The following IRX1 variants were observed in gnomAD, a reference collection of about 807,000 sequenced individuals.
IRX1 encodes iroquois homeobox 1.
In IRX1, 22 loss-of-function variants were observed where a neutral mutation model predicts 34.1. The observed-to-expected ratio is 0.64, with a 90% CI of 0.46 to 0.92. The LOEUF is 0.92. Ranked by LOEUF, IRX1 falls within the 40% of genes least tolerant of loss-of-function variation. IRX1 has a pLI of 0.00. For synonymous variants in IRX1, 363 were observed against 319.0 expected, an observed-to-expected ratio of 1.14 and a Z score of -1.47; for missense variants, 758 against 680.0, an observed-to-expected ratio of 1.11 and a Z score of -1.28.
chr5:3,601,077 G>T lies in IRX1; in HGVS notation c.*37G>T, dbSNP rs2111300012. Reference sequence around the variant, plus strand: ...CTTTTACTTTTGCGGGGGGGAGGGGGGAGGAGTTGGGGAGGGAGGGAATGT... The same window carrying T: ...CTTTTACTTTTGCGGGGGGGAGGGGTGAGGAGTTGGGGAGGGAGGGAATGT... On this transcript the variant is annotated 3_prime_UTR_variant, in exon 4 of 4. Coordinates refer to ENST00000302006, the MANE Select transcript of IRX1 (RefSeq NM_024337.4). The T allele has an allele frequency of 6.5e-7, 1 of 1,549,146 alleles. No homozygotes were observed. Among genetic ancestry groups the T allele is most frequent in the Non-Finnish European group, 8.9e-7 (1 of 1,121,980 alleles).
intron 1 of IRX1, among the ~76,000 whole-genome samples, chr5:3,598,136 AG>A (rs1733839935): frequency 6.6e-6 from 1 of 152,212 alleles, no homozygotes; most frequent in Non-Finnish European, 1.5e-5. Context: ...TTCTAGGCCT[AG>A]GTTTCCAAGC....
In IRX1 at chr5:3,601,034, C is replaced by G. The variant is rs757318402; in HGVS notation, c.1437C>G (p.Ser479=). 6.3e-7 allele frequency: 1 copy of G among 1,599,808 alleles called. No individual in the cohort carries two copies. Among genetic ancestry groups the G allele is most frequent in the Admixed American group, 1.7e-5 (1 of 58,944 alleles). ...GTPRILAALP[S]A The stretch of plus-strand genomic sequence containing the variant: ...CGCGGATCCTAGCAGCCCTCCCGTC[C>G]GCCTGATTAAGGGTCTTCTTTTACT... The change falls in exon 4 of 4, where the codon TCC becomes TCG. Residue 479 remains serine (S), a synonymous_variant. Transcript: ENST00000302006.
chr5:3,601,087 G>A lies in IRX1; in HGVS notation c.*47G>A, dbSNP rs1023966189. 2 of 1,470,840 alleles carry A rather than the reference G, an allele frequency of 1.4e-6. No homozygotes were observed. Among genetic ancestry groups the A allele is most frequent in the Admixed American group, 1.7e-5 (1 of 59,636 alleles). 91.1% of individuals were successfully genotyped at this position (1,470,840 alleles called of 1,614,324 possible). ...TGCGGGGGGGAGGGGGGAGGAGTTG[G>A]GGAGGGAGGGAATGTGGGAGGAATT... On this transcript the variant is annotated 3_prime_UTR_variant, in exon 4 of 4. Transcript: ENST00000302006.
chr5:3,600,256 C>T lies in IRX1; in HGVS notation c.1308C>T (p.Leu436=). 1 of 1,586,752 alleles carries T rather than the reference C, an allele frequency of 6.3e-7. No homozygotes were observed. The highest frequency in any genetic ancestry group is 1.1e-5 in the South Asian group (1 of 88,136). ...DKASVRSSPT[L]PERDLVPRPD... is the part of the protein sequence containing the mutation. ...CCTCGGTCCGCAGCAGCCCCACGCTCCCAGGTACAGCTCCAGGCCGCGTCC... is the reference window on the plus strand; with the variant it reads ...CCTCGGTCCGCAGCAGCCCCACGCTTCCAGGTACAGCTCCAGGCCGCGTCC... Residue 436 remains leucine (L), a synonymous_variant, in exon 2 of 4, where the codon CTC becomes CTT. Transcript: ENST00000302006.
At chr5:3,596,758 G>C (rs1188631009) in intron 1 of IRX1, among the ~76,000 whole-genome samples, 1 of 152,170 alleles carries the variant, frequency 6.6e-6, no homozygotes, top group Non-Finnish European at 1.5e-5. Flanking sequence ...AGGTCGGCCC[G>C]GCGTAGCGTA....
chr5:3,599,354 C>T lies in IRX1; in HGVS notation c.406C>T (p.Arg136Cys). 1.2e-6 allele frequency: 2 copies of T among 1,614,112 alleles called. No individual in the cohort carries two copies. The highest frequency in any genetic ancestry group is 8.5e-7 in the Non-Finnish European group (1 of 1,180,026). ...CCCCGGGCGGCCCAAGAACGCCACC[C>T]GCGAGAGCACCAGCACGCTCAAGGC... ...GDPGRPKNATRESTSTLKAWL... is the reference protein window; with the variant it reads ...GDPGRPKNATCESTSTLKAWL... The change falls in exon 2 of 4, where the codon CGC (arginine) becomes TGC (cysteine). Residue 136 changes from arginine (R) to cysteine (C), a missense_variant. Arg to Cys is a radical substitution (Grantham distance 180, BLOSUM62 -3). This residue lies in a region of IRX1 where 195 missense variants were observed against 195.0 expected (regional missense o/e 1.00). Coordinates refer to ENST00000302006, the MANE Select transcript of IRX1 (RefSeq NM_024337.4). This position sits in a 1 kb window ranked among gnomAD's most constrained non-coding sequence, Gnocchi z 6.6.
At chr5:3,597,883 A>G (rs1733827641) in intron 1 of IRX1, among the ~76,000 whole-genome samples, 1 of 152,162 alleles carries the variant, frequency 6.6e-6, no homozygotes, top group Admixed American at 6.5e-5. Flanking sequence ...TATTTTTTAC[A>G]GAAATTGCGA....
chr5:3,599,838 T>C lies in IRX1; in HGVS notation c.890T>C (p.Leu297Pro). The change falls in exon 2 of 4, where the codon CTG (leucine) becomes CCG (proline). Residue 297 changes from leucine to proline, a missense_variant. Leu to Pro is a moderately conservative substitution (Grantham distance 98). Transcript: ENST00000302006. This position sits in a 1 kb window ranked among gnomAD's most constrained non-coding sequence, Gnocchi z 6.6. ...CCAGAGCCGGGCAGCACGCGCCTGC[T>C]GAGCCCCGGCGCTGCAGCGGGCGGC... The part of the protein sequence containing the change: ...EAPEPGSTRL[L>P]SPGAAAGGLQ... 1.9e-6 allele frequency: 3 copies of C among 1,553,210 alleles called. No homozygotes were observed. The highest frequency in any genetic ancestry group is 8.7e-7 in the Non-Finnish European group (1 of 1,151,260).
Position 3,599,422 on chromosome 5 carries a change from C to T in IRX1, c.474C>T (p.Gly158=), listed in dbSNP as rs781421304. The change falls in exon 2 of 4, where the codon GGC becomes GGT. Residue 158 remains glycine, a synonymous_variant. Coordinates refer to ENST00000302006, the MANE Select transcript of IRX1 (RefSeq NM_024337.4). This position sits in a 1 kb window ranked among gnomAD's most constrained non-coding sequence, Gnocchi z 6.6. The stretch of plus-strand genomic sequence containing the variant: ...GCAAGAATCCCTACCCCACCAAGGG[C>T]GAGAAGATCATGCTGGCCATCATCA... ...EHRKNPYPTK[G]EKIMLAIITK... is the part of the protein sequence containing the mutation. 1.2e-6 allele frequency: 2 copies of T among 1,614,082 alleles called. No homozygotes were observed. Among genetic ancestry groups the T allele is most frequent in the Non-Finnish European group, 1.7e-6 (2 of 1,180,044 alleles).
At position 3,599,582 on chromosome 5, in the gene IRX1, G is replaced by C. The variant is rs927429069; in HGVS notation, c.634G>C (p.Gly212Arg). ...AGCGCTCTTCGGCAGCGACACCGAG[G>C]GCGACCCGGAGAAGGCCGAGGACGA... ...DGALFGSDTEGDPEKAEDDEE... is the reference protein window; with the variant it reads ...DGALFGSDTERDPEKAEDDEE... Residue 212 changes from glycine (G) to arginine (R), a missense_variant, in exon 2 of 4, where the codon GGC (glycine) becomes CGC (arginine). Around this residue, in one of 3 missense-constraint regions of IRX1, gnomAD observed 529 missense variants for 418.8 expected, o/e 1.26. Coordinates refer to ENST00000302006, the MANE Select transcript of IRX1 (RefSeq NM_024337.4). The surrounding 1 kb of genome is among the most constrained non-coding windows in gnomAD (Gnocchi z 6.6). The C allele has an allele frequency of 2.5e-6, 4 of 1,614,000 alleles. No individual in the cohort carries two copies. Among genetic ancestry groups the C allele is most frequent in the Non-Finnish European group, 3.4e-6 (4 of 1,180,042 alleles).
intron 1 of IRX1, among the ~76,000 whole-genome samples, chr5:3,596,792 G>A (rs1416009367): frequency 6.6e-6 from 1 of 152,150 alleles, no homozygotes. Context: ...TCCTGGCCGC[G>A]GGTTCCACTC....
Position 3,599,741 on chromosome 5 carries a change from C to A in IRX1, c.793C>A (p.Gln265Lys). The change falls in exon 2 of 4, where the codon CAA becomes AAA. Residue 265 changes from glutamine to lysine, a missense_variant. Coordinates refer to ENST00000302006, the MANE Select transcript of IRX1 (RefSeq NM_024337.4). The surrounding 1 kb of genome is among the most constrained non-coding windows in gnomAD (Gnocchi z 6.6). ...PAAPSALARD[Q>K]GSPLAAADVL... ...AGCCCCTTCTGCTCTTGCCCGGGAC[C>A]AAGGCTCGCCGCTGGCAGCAGCCGA... The A allele has an allele frequency of 6.2e-7, 1 of 1,611,326 alleles. No individual in the cohort carries two copies. Among genetic ancestry groups the A allele is most frequent in the Non-Finnish European group, 8.5e-7 (1 of 1,179,512 alleles).
chr5:3,596,419 C>T, intron 1 of IRX1, 38 bp downstream of exon 1: 1 of 1,449,564 alleles, frequency 6.9e-7, no homozygotes, highest in African/African-American at 1.5e-5. Context: ...TCCTCTGTCT[C>T]ACCCGCGCCA....
At position 3,599,298 on chromosome 5, in the gene IRX1, A is replaced by T; in HGVS notation, c.350A>T (p.Tyr117Phe). ...ATFAAHTAPAYYPYGQFQYGD... is the reference protein window; with the variant it reads ...ATFAAHTAPAFYPYGQFQYGD... ...TTCGCAGCCCACACGGCGCCGGCTT[A>T]TTACCCCTACGGCCAGTTCCAATAC... is the stretch of plus-strand genomic sequence containing the variant. The change falls in exon 2 of 4, where the codon TAT becomes TTT. Residue 117 changes from tyrosine to phenylalanine, a missense_variant. Tyr to Phe is a conservative substitution (Grantham distance 22). Coordinates refer to ENST00000302006, the MANE Select transcript of IRX1 (RefSeq NM_024337.4). The surrounding 1 kb of genome is among the most constrained non-coding windows in gnomAD (Gnocchi z 6.6). 1 of 1,613,974 alleles carries T rather than the reference A, an allele frequency of 6.2e-7. No homozygotes were observed. Among genetic ancestry groups the T allele is most frequent in the Middle Eastern group, 1.6e-4 (1 of 6,062 alleles).
Position 3,599,485 on chromosome 5 carries a change from C to A in IRX1, c.537C>A (p.Ala179=), listed in dbSNP as rs1445602805. 3.7e-6 allele frequency: 6 copies of A among 1,614,166 alleles called. No homozygotes were observed. The highest frequency in any genetic ancestry group is 5.1e-6 in the Non-Finnish European group (6 of 1,180,030). Residue 179 remains alanine (A), a synonymous_variant, in exon 2 of 4, where the codon GCC becomes GCA. Transcript: ENST00000302006. This position sits in a 1 kb window ranked among gnomAD's most constrained non-coding sequence, Gnocchi z 6.6. ...TCACGCAGGTCTCCACCTGGTTCGC[C>A]AACGCGCGCCGGCGCCTCAAGAAGG... ...MTLTQVSTWF[A]NARRRLKKEN... is the part of the protein sequence containing the mutation.
In IRX1 at chr5:3,599,476, C is replaced by T; in HGVS notation, c.528C>T (p.Thr176=). The T allele has an allele frequency of 6.2e-7, 1 of 1,614,182 alleles. No homozygotes were observed. Among genetic ancestry groups the T allele is most frequent in the Non-Finnish European group, 8.5e-7 (1 of 1,180,042 alleles). ...AGATGACCCTCACGCAGGTCTCCACCTGGTTCGCCAACGCGCGCCGGCGCC... is the reference window on the plus strand; with the variant it reads ...AGATGACCCTCACGCAGGTCTCCACTTGGTTCGCCAACGCGCGCCGGCGCC... ...ITKMTLTQVS[T]WFANARRRLK... The change falls in exon 2 of 4, where the codon ACC becomes ACT. Residue 176 remains threonine, a synonymous_variant. Transcript: ENST00000302006. The surrounding 1 kb of genome is among the most constrained non-coding windows in gnomAD (Gnocchi z 6.6).
intron 1 of IRX1, among the ~76,000 whole-genome samples, chr5:3,596,850 T>C (rs1185943104): frequency 6.6e-6 from 1 of 152,114 alleles, no homozygotes; most frequent in Non-Finnish European, 1.5e-5. Flanking sequence ...CTTGGTTTTC[T>C]CCCTCTTTAG....
chr5:3,600,221 G>A lies in IRX1; in HGVS notation c.1273G>A (p.Gly425Arg). ...CGCTATTGCCCCGGGGGCACTCAATGGAGACAAGGCCTCGGTCCGCAGCAG... is the reference window on the plus strand; with the variant it reads ...CGCTATTGCCCCGGGGGCACTCAATAGAGACAAGGCCTCGGTCCGCAGCAG... ...PVAIAPGALN[G>R]DKASVRSSPT... The change falls in exon 2 of 4, where the codon GGA becomes AGA. Residue 425 changes from glycine (G) to arginine (R), a missense_variant. Around this residue, in one of 3 missense-constraint regions of IRX1, gnomAD observed 529 missense variants for 418.8 expected, o/e 1.26. Transcript: ENST00000302006. 1.9e-6 allele frequency: 3 copies of A among 1,606,894 alleles called. No individual in the cohort carries two copies. The highest frequency in any genetic ancestry group is 2.5e-6 in the Non-Finnish European group (3 of 1,177,750).
At position 3,599,245 on chromosome 5, in the gene IRX1, G is replaced by T. The variant is rs1733879366; in HGVS notation, c.297G>T (p.Lys99Asn). The change falls in exon 2 of 4, where the codon AAG becomes AAT. Residue 99 changes from lysine (K) to asparagine (N), a missense_variant. This residue lies in a region of IRX1 where 195 missense variants were observed against 195.0 expected (regional missense o/e 1.00). Transcript: ENST00000302006. This position sits in a 1 kb window ranked among gnomAD's most constrained non-coding sequence, Gnocchi z 6.6. ...TTCAGGGCTCGCAGTATGAACTGAAGGACAACCCTGGGGTGCACCCCGCCA... is the reference window on the plus strand; with the variant it reads ...TTCAGGGCTCGCAGTATGAACTGAATGACAACCCTGGGGTGCACCCCGCCA... The part of the protein sequence containing the change: ...FSQMGSQYEL[K>N]DNPGVHPATF... 6.2e-7 allele frequency: 1 copy of T among 1,613,436 alleles called. No individual in the cohort carries two copies. The highest frequency in any genetic ancestry group is 2.2e-5 in the East Asian group (1 of 44,834).
Sources: gnomAD v4.1 joint callset for allele counts (sites outside exome capture counted in the v4.1 genomes callset) on GRCh38, gnomAD v4.1.1 for gene constraint, gnomAD v4.1.1 regional missense constraint, Gnocchi (gnomAD v3.1) non-coding constraint, MANE v1.5 for transcripts, NCBI Gene and HGNC (gene_info 2026-07-23, HGNC 2026-07-21) for gene names.